PLA2R1: variants seen among roughly 807,000 people sequenced by gnomAD.
PLA2R1 encodes the protein secretory phospholipase A2 receptor.
Under a neutral mutation model 195.9 loss-of-function variants are expected in PLA2R1, and 158 were observed. The ratio of observed to expected loss-of-function variants is 0.81; its 90% CI spans 0.71 to 0.92. The LOEUF is 0.92. Among genes scored for constraint, PLA2R1 ranks in the 40% least tolerant of loss-of-function variants. The pLI is 0.00. For synonymous variants in PLA2R1, 586 were observed against 598.2 expected (o/e 0.98, Z 0.30); for missense variants, 1,626 against 1,764.6 (o/e 0.92, Z 1.41).
At chr2:160,029,501 T>C (rs931505602) in intron 4 of PLA2R1, among the ~76,000 whole-genome samples, 1 of 152,146 alleles carries the variant, frequency 6.6e-6, no homozygotes, top group Non-Finnish European at 1.5e-5. Context: ...AACTGGAGGC[T>C]GCTTCCACAG....
chr2:159,944,872 T>C, intron 28 of PLA2R1, 34 bp downstream of exon 28: 3 of 1,541,086 alleles, frequency 1.9e-6, no homozygotes, highest in Non-Finnish European at 2.7e-6. Context: ...TAAGGTAGAA[T>C]CAAAATGAAG....
rs372561339 is a variant in PLA2R1 at position 160,038,420 on chromosome 2, G to A, written c.667+3605C>T. 3.3e-5 allele frequency among the ~76,000 whole-genome samples: 5 copies of A among 152,282 alleles called. No homozygotes were observed. In the South Asian group the frequency reaches 6.2e-4, roughly 19 times the overall value. The stretch of plus-strand genomic sequence containing the variant: ...TAGCAAGCTCCCAGGGAATTCCAAC[G>A]CTGCTGGAACGGGGACCACACATTG... On this transcript the variant is annotated intron_variant, in intron 3 of 29. Coordinates refer to ENST00000283243, the MANE Select transcript of PLA2R1 (RefSeq NM_007366.5).
At chr2:159,993,884 C>A (rs1320565107) in intron 11 of PLA2R1, among the ~76,000 whole-genome samples, 1 of 152,056 alleles carries the variant, frequency 6.6e-6, no homozygotes, top group African/African-American at 2.4e-5. Context: ...CAAAAATAAT[C>A]ATTTTGAAAG....
chr2:159,976,701 C>T lies in PLA2R1; in HGVS notation c.2421G>A (p.Pro807=), dbSNP rs771945277. 3.2e-5 allele frequency: 51 copies of T among 1,607,286 alleles called. No homozygotes were observed. The highest frequency in any genetic ancestry group is 1.3e-4 in the East Asian group (6 of 44,668). ...KIPRDVKPKI[P]FWYQYDVPWL... The stretch of plus-strand genomic sequence containing the variant: ...CATTCTTACCGTACTGGTACCAGAA[C>T]GGAATCTTGGGTTTCACATCTGCAA... The change falls in exon 16 of 30, where the codon CCG becomes CCA. Residue 807 remains proline, a synonymous_variant. Coordinates refer to ENST00000283243, the MANE Select transcript of PLA2R1 (RefSeq NM_007366.5).
rs80349042 is a variant in PLA2R1 at position 159,953,477 on chromosome 2, G to A, written c.3301+1722C>T. Among the ~76,000 whole-genome samples, 187 of 152,310 alleles carry A rather than the reference G, an allele frequency of 1.2e-3. 2 individuals are homozygous for A. In the East Asian group the frequency reaches 0.033, roughly 27 times the overall value. On this transcript the variant is annotated intron_variant, in intron 23 of 29. Coordinates refer to ENST00000283243, the MANE Select transcript of PLA2R1 (RefSeq NM_007366.5). ...TGGAAATAATAGAAAAAACTATATC[G>A]TTTGTTAAATATATGCTAGAAGTAT...
chr2:159,969,632 C>T (rs1161502229), intron 18 of PLA2R1, among the ~76,000 whole-genome samples: 2 of 152,106 alleles, frequency 1.3e-5, no homozygotes, highest in Admixed American at 1.3e-4. Context: ...GCCTCTGCCT[C>T]ACGGGTTCAA....
intron 1 of PLA2R1, among the ~76,000 whole-genome samples, chr2:160,058,522 A>G (rs1193599614): frequency 6.6e-6 from 1 of 151,980 alleles, no homozygotes; most frequent in Non-Finnish European, 1.5e-5. Context: ...CACATTTATC[A>G]TTTTTCAACC....
At chr2:159,971,503 C>A (rs551692882) in intron 17 of PLA2R1, among the ~76,000 whole-genome samples, 11 of 74,508 alleles carry the variant, frequency 1.5e-4, no homozygotes, top group Non-Finnish European at 4.1e-4. Context: ...CACACACACA[C>A]ATTAGGGCAG....
intron 3 of PLA2R1, among the ~76,000 whole-genome samples, chr2:160,036,997 G>A (rs1437424469): frequency 6.6e-6 from 1 of 152,178 alleles, no homozygotes; most frequent in Admixed American, 6.5e-5. Context: ...GCTTTAATCA[G>A]CTACTCCAAC....
At chr2:160,046,061 G>A (rs1193674244) in intron 1 of PLA2R1, among the ~76,000 whole-genome samples, 3 of 152,210 alleles carry the variant, frequency 2.0e-5, no homozygotes, top group East Asian at 1.9e-4. Flanking sequence ...CCCAAGTTGC[G>A]GGCCTGGAAG....
At chr2:159,961,793 G>A (rs1688465722) in intron 20 of PLA2R1, among the ~76,000 whole-genome samples, 1 of 152,132 alleles carries the variant, frequency 6.6e-6, no homozygotes, top group Non-Finnish European at 1.5e-5. Flanking sequence ...TGAACTGTGT[G>A]GGTAAAAATC....
chr2:160,033,098 C>T lies in PLA2R1; in HGVS notation c.702G>A (p.Glu234=). ...SAEVGCDTIW[E]KDLNSHICYQ... The stretch of plus-strand genomic sequence containing the variant: ...AGCAAATGTGTGAATTGAGGTCCTT[C>T]TCCCAAATAGTATCACAACCTACTT... The change falls in exon 4 of 30, where the codon GAG becomes GAA. Residue 234 remains glutamate, a synonymous_variant. Transcript: ENST00000283243. 4.3e-6 allele frequency: 7 copies of T among 1,613,110 alleles called. No homozygotes were observed. Among genetic ancestry groups the T allele is most frequent in the Non-Finnish European group, 5.9e-6 (7 of 1,179,620 alleles).
Position 159,997,032 on chromosome 2 carries a change from T to C in PLA2R1, c.1834+8620A>G, listed in dbSNP as rs79521602. 5.3e-4 allele frequency among the ~76,000 whole-genome samples: 81 copies of C among 152,316 alleles called. 1 individual carries two copies. The East Asian group carries it at 0.015, about 28-fold the overall frequency. On this transcript the variant is annotated intron_variant, in intron 11 of 29. Transcript: ENST00000283243. ...AACATTCCTGTCATAGCTGACTGGC[T>C]CTGATGCTTGTTCTGTCTCTTCAAA...
At chr2:160,055,125 T>C (rs974878117) in intron 1 of PLA2R1, among the ~76,000 whole-genome samples, 2 of 151,992 alleles carry the variant, frequency 1.3e-5, no homozygotes, top group Admixed American at 6.6e-5. Flanking sequence ...CAACCAACAA[T>C]AGGAAAAGAG....
intron 3 of PLA2R1, among the ~76,000 whole-genome samples, chr2:160,038,857 T>C (rs376025186): frequency 6.6e-6 from 1 of 152,068 alleles, no homozygotes; most frequent in Admixed American, 6.5e-5. Context: ...GTCTTTTTTG[T>C]GGAGGGCGGG....
chr2:160,014,238 T>G (rs1186264603), intron 9 of PLA2R1, among the ~76,000 whole-genome samples: 153 of 150,564 alleles, frequency 1.0e-3, no homozygotes, highest in African/African-American at 3.6e-3. Flanking sequence ...TTCTTTCTTT[T>G]TTTTTTTTTT....
intron 27 of PLA2R1, chr2:159,945,909 CATAT>C (rs374499390): frequency 0.016 from 13,157 of 837,220 alleles, 194 homozygotes; most frequent in South Asian, 0.073. Context: ...TGAAATATTC[CATAT>C]ATATATATAA....
chr2:159,926,945 G>A, the PLA2R1 span, among the ~76,000 whole-genome samples: 362 of 152,252 alleles, frequency 2.4e-3, 2 homozygotes, highest in African/African-American at 7.9e-3. Flanking sequence ...AAGGCAAGGA[G>A]GGAGCCAAGG....
At chr2:159,947,185 A>G (rs1560133338) in intron 26 of PLA2R1, among the ~76,000 whole-genome samples, 1 of 152,230 alleles carries the variant, frequency 6.6e-6, no homozygotes, top group Non-Finnish European at 1.5e-5. Context: ...TTTCTTCAGA[A>G]AGTGCAGTAT....
Sources: allele counts gnomAD v4.1 joint callset (sites outside exome capture counted in the v4.1 genomes callset), GRCh38; gene constraint gnomAD v4.1.1; transcripts MANE v1.5; gene names NCBI Gene and HGNC (gene_info 2026-07-23, HGNC 2026-07-21).